TAFA4: variants seen among roughly 807,000 people sequenced by gnomAD.
TAFA4 encodes the protein chemokine-like protein TAFA-4.
In TAFA4, 20 loss-of-function variants were observed where a neutral mutation model predicts 21.1. The ratio of observed to expected loss-of-function variants is 0.95; its 90% CI spans 0.67 to 1.38. TAFA4 has a LOEUF of 1.38. TAFA4 is among the 40% of genes most tolerant of loss of function. The probability of loss-of-function intolerance (pLI) is 0.00; values close to 1 mark genes in which losing one functional copy is unlikely to be tolerated. For synonymous variants in TAFA4, 71 were observed against 67.4 expected (o/e 1.05, Z -0.26); for missense variants, 211 against 180.9 (o/e 1.17, Z -0.95).
intron 1 of TAFA4, among the ~76,000 whole-genome samples, chr3:68,892,819 G>A (rs565962907): frequency 5.3e-5 from 8 of 152,316 alleles, no homozygotes; most frequent in East Asian, 1.9e-4. Flanking sequence ...TCAAGTGACC[G>A]TGAAGTAAAA....
At chr3:68,855,767 C>A (rs1705055772) in intron 3 of TAFA4, among the ~76,000 whole-genome samples, 1 of 152,122 alleles carries the variant, frequency 6.6e-6, no homozygotes, top group Middle Eastern at 3.4e-3. Flanking sequence ...TTCTCCCCAT[C>A]TTCCCTGCAA....
intron 3 of TAFA4, among the ~76,000 whole-genome samples, chr3:68,789,477 C>A (rs1703323752): frequency 6.6e-6 from 1 of 152,128 alleles, no homozygotes; most frequent in African/African-American, 2.4e-5. Flanking sequence ...ATTAGCTCAA[C>A]TGCGGTAATC....
chr3:68,915,709 T>G (rs1456047906), intron 1 of TAFA4, among the ~76,000 whole-genome samples: 2 of 152,138 alleles, frequency 1.3e-5, no homozygotes, highest in Non-Finnish European at 2.9e-5. Flanking sequence ...TGGGACTGCA[T>G]TTTTTCCTCC....
chr3:68,931,718 G>A (rs13090370), intron 1 of TAFA4, among the ~76,000 whole-genome samples: 2 of 147,348 alleles, frequency 1.4e-5, no homozygotes, highest in East Asian at 4.3e-4. Flanking sequence ...GACGCCTCCC[G>A]AGCGCTCGCT....
chr3:68,838,193 A>G (rs1295483485), intron 3 of TAFA4, among the ~76,000 whole-genome samples: 2 of 152,150 alleles, frequency 1.3e-5, no homozygotes, highest in Non-Finnish European at 2.9e-5. Flanking sequence ...CTTTTGCACC[A>G]ACCTAATAAA....
chr3:68,806,278 TAGA>T (rs1304467968), intron 3 of TAFA4, among the ~76,000 whole-genome samples: 32 of 152,172 alleles, frequency 2.1e-4, no homozygotes, highest in African/African-American at 7.5e-4. Flanking sequence ...TACTAGTAGA[TAGA>T]AGAAGAGACA....
chr3:68,759,924 A>C (rs1702729523), intron 3 of TAFA4, among the ~76,000 whole-genome samples: 1 of 152,096 alleles, frequency 6.6e-6, no homozygotes, highest in Non-Finnish European at 1.5e-5. Flanking sequence ...TATTTATTTT[A>C]CCAACTCTTA....
intron 1 of TAFA4, among the ~76,000 whole-genome samples, chr3:68,917,504 C>T (rs1328795170): frequency 6.6e-6 from 1 of 151,920 alleles, no homozygotes; most frequent in Non-Finnish European, 1.5e-5. Flanking sequence ...CCTGTAATCC[C>T]AGCACTTTGG....
At chr3:68,896,641 T>C (rs2106974887) in intron 1 of TAFA4, among the ~76,000 whole-genome samples, 1 of 152,314 alleles carries the variant, frequency 6.6e-6, no homozygotes, top group African/African-American at 2.4e-5. Context: ...CAAAACACCT[T>C]ATTGACTGCT....
intron 4 of TAFA4, among the ~76,000 whole-genome samples, chr3:68,749,268 G>A (rs1702517683): frequency 6.6e-6 from 1 of 152,176 alleles, no homozygotes; most frequent in African/African-American, 2.4e-5. Flanking sequence ...GAAAACACTA[G>A]ATAATTATCT....
At chr3:68,910,152 A>G (rs1181793236) in intron 1 of TAFA4, among the ~76,000 whole-genome samples, 2 of 152,212 alleles carry the variant, frequency 1.3e-5, no homozygotes, top group African/African-American at 2.4e-5. Context: ...AGAGTTTTAT[A>G]TAACATAATC....
At chr3:68,888,951 C>A (rs539077287) in intron 1 of TAFA4, among the ~76,000 whole-genome samples, 50 of 152,296 alleles carry the variant, frequency 3.3e-4, no homozygotes, top group Non-Finnish European at 6.3e-4. Flanking sequence ...TGTGTCACTT[C>A]TAACTTCAGT....
intron 4 of TAFA4, among the ~76,000 whole-genome samples, chr3:68,744,102 C>G (rs904084884): frequency 6.6e-6 from 1 of 152,206 alleles, no homozygotes; most frequent in Non-Finnish European, 1.5e-5. Context: ...GTCTTCAAAA[C>G]TCTTCCTCAG....
In TAFA4 at chr3:68,773,850, G is replaced by T. The variant is rs147195778; in HGVS notation, c.131-20832C>A. Among the ~76,000 whole-genome samples, 75 of 152,204 alleles carry T rather than the reference G, an allele frequency of 4.9e-4. No individual in the cohort carries two copies. In the East Asian group the frequency reaches 0.012, roughly 24 times the overall value. On this transcript the variant is annotated intron_variant, in intron 3 of 5. Transcript: ENST00000295569. ...GACATGAGAAGGACAGGGAAACAAG[G>T]AATAATGTGCGATGAAAACAGCAAT...
chr3:68,869,616 G>A (rs886282479), intron 3 of TAFA4, among the ~76,000 whole-genome samples: 9 of 151,962 alleles, frequency 5.9e-5, no homozygotes, highest in Middle Eastern at 3.2e-3. Context: ...AAAACCATAC[G>A]ATCATTTCCA....
At chr3:68,847,536 G>A (rs1704835771) in intron 3 of TAFA4, among the ~76,000 whole-genome samples, 1 of 152,186 alleles carries the variant, frequency 6.6e-6, no homozygotes, top group Non-Finnish European at 1.5e-5. Context: ...TGATGTTCCA[G>A]GTGCCACTGG....
chr3:68,752,488 A>C (rs1271982145), intron 4 of TAFA4, among the ~76,000 whole-genome samples: 1 of 152,228 alleles, frequency 6.6e-6, no homozygotes, highest in Non-Finnish European at 1.5e-5. Context: ...ACTAACATAT[A>C]ACACCAAGCA....
intron 3 of TAFA4, among the ~76,000 whole-genome samples, chr3:68,811,255 A>C (rs1703831292): frequency 6.6e-6 from 1 of 152,168 alleles, no homozygotes; most frequent in African/African-American, 2.4e-5. Flanking sequence ...AAACTCTAAA[A>C]ATCAGAGTAC....
chr3:68,813,804 T>C (rs1703898064), intron 3 of TAFA4, among the ~76,000 whole-genome samples: 1 of 152,106 alleles, frequency 6.6e-6, no homozygotes, highest in Non-Finnish European at 1.5e-5. Context: ...GAATCCTCCC[T>C]AACTCATTTT....
Sources: gnomAD v4.1 joint callset for allele counts (sites outside exome capture counted in the v4.1 genomes callset) on GRCh38, gnomAD v4.1.1 for gene constraint, MANE v1.5 for transcripts, NCBI Gene and HGNC (gene_info 2026-07-23, HGNC 2026-07-21) for gene names.